Variants in DCC observed in about 807,000 individuals in gnomAD.
DCC encodes netrin receptor DCC.
In DCC, 58 loss-of-function variants were observed where a neutral mutation model predicts 172.5. That is an observed-to-expected ratio of 0.34 (90% confidence interval 0.27 to 0.42). DCC has a LOEUF of 0.42. Ranked by LOEUF, DCC falls within the 10% of genes least tolerant of loss-of-function variation. The pLI is 1.00. For synonymous variants in DCC, 709 were observed against 644.5 expected, an observed-to-expected ratio of 1.10 and a Z score of -1.52; for missense variants, 1,740 against 1,791.0, an observed-to-expected ratio of 0.97 and a Z score of 0.51.
chr18:52,724,153 T>C (rs927007068), intron 1 of DCC, among the ~76,000 whole-genome samples: 1 of 152,074 alleles, frequency 6.6e-6, no homozygotes, highest in African/African-American at 2.4e-5. Flanking sequence ...CTTCCTCTCA[T>C]ACCTTTTTTA....
chr18:52,917,635 A>G (rs1472022189), intron 3 of DCC, among the ~76,000 whole-genome samples: 5 of 152,182 alleles, frequency 3.3e-5, no homozygotes, highest in Non-Finnish European at 7.3e-5. Context: ...AGCAAAGGCA[A>G]CGTATTGCCA....
chr18:53,252,566 G>A (rs1236242618), intron 12 of DCC, among the ~76,000 whole-genome samples: 1 of 151,942 alleles, frequency 6.6e-6, no homozygotes, highest in Non-Finnish European at 1.5e-5. Flanking sequence ...CATTCCATGA[G>A]AAATAATGAA....
rs1286772078 is a variant in DCC, at chr18:52,943,033, T to C, written c.985+17663T>C. 2.0e-5 allele frequency among the ~76,000 whole-genome samples: 3 copies of C among 152,318 alleles called. No individual in the cohort carries two copies. In the East Asian group the frequency reaches 5.8e-4, roughly 29 times the overall value. On this transcript the variant is annotated intron_variant, in intron 5 of 28. Transcript: ENST00000442544. ...TGCCACAGAGTATGCATTCAAATTA[T>C]TGTGATTATTTCCTCTTTGTTATTT... is the stretch of plus-strand genomic sequence containing the variant.
intron 5 of DCC, among the ~76,000 whole-genome samples, chr18:52,948,559 G>C (rs1407193860): frequency 1.3e-5 from 2 of 152,122 alleles, no homozygotes; most frequent in Non-Finnish European, 2.9e-5. Flanking sequence ...AGAAGACTTA[G>C]ATTGAGAAAG....
At chr18:52,900,026 G>A (rs544822445) in intron 2 of DCC, among the ~76,000 whole-genome samples, 7 of 152,270 alleles carry the variant, frequency 4.6e-5, no homozygotes, top group South Asian at 4.1e-4. Flanking sequence ...TAGTCTGGAC[G>A]ATGGCTAGCA....
chr18:53,215,791 G>A (rs2055836940), intron 12 of DCC, among the ~76,000 whole-genome samples, 194 bp downstream of exon 12: 1 of 152,108 alleles, frequency 6.6e-6, no homozygotes, highest in East Asian at 1.9e-4. Flanking sequence ...TGAAATATTT[G>A]TCTACTTCTA....
intron 23 of DCC, among the ~76,000 whole-genome samples, chr18:53,451,872 T>G (rs1449277067): frequency 2.0e-5 from 3 of 152,136 alleles, no homozygotes; most frequent in Admixed American, 1.3e-4. Flanking sequence ...AAAAGTAACA[T>G]GGGGTGTAGA....
chr18:52,672,374 ATCTT>A (rs1392187318), intron 1 of DCC, among the ~76,000 whole-genome samples: 2 of 152,272 alleles, frequency 1.3e-5, no homozygotes, highest in East Asian at 3.9e-4. Flanking sequence ...AACTATCTGA[ATCTT>A]TCCACTAGTT....
chr18:52,749,329 T>C (rs1263458029), intron 1 of DCC, among the ~76,000 whole-genome samples: 1 of 152,230 alleles, frequency 6.6e-6, no homozygotes, highest in African/African-American at 2.4e-5. Context: ...TAGGCTTTTT[T>C]CGGCTTGAAG....
At chr18:53,454,885 T>C (rs1021083733) in intron 23 of DCC, among the ~76,000 whole-genome samples, 1 of 152,216 alleles carries the variant, frequency 6.6e-6, no homozygotes, top group Non-Finnish European at 1.5e-5. Flanking sequence ...GACTTCATTA[T>C]ATCTTAATTC....
intron 5 of DCC, among the ~76,000 whole-genome samples, chr18:52,973,993 T>C (rs964598180): frequency 6.6e-6 from 1 of 152,148 alleles, no homozygotes; most frequent in South Asian, 2.1e-4. Flanking sequence ...AAATAACAGA[T>C]GACCCTTTAT....
At chr18:52,532,434 G>A (rs142159185) in intron 1 of DCC, among the ~76,000 whole-genome samples, 1 of 152,230 alleles carries the variant, frequency 6.6e-6, no homozygotes, top group East Asian at 1.9e-4. Flanking sequence ...CAATTGTTCT[G>A]TGTAGTATGT....
intron 21 of DCC, among the ~76,000 whole-genome samples, chr18:53,426,939 C>T (rs1421575135): frequency 6.6e-6 from 1 of 152,110 alleles, no homozygotes; most frequent in African/African-American, 2.4e-5. Flanking sequence ...GATCTATAGT[C>T]ACTTGGAGGA....
At chr18:53,426,310 ATATT>A (rs1211010584) in intron 21 of DCC, among the ~76,000 whole-genome samples, 1 of 50,050 alleles carries the variant, frequency 2.0e-5, no homozygotes, top group African/African-American at 4.2e-5. Flanking sequence ...TTTATAATAT[ATATT>A]ATATATTTAT....
At position 53,530,654 on chromosome 18, in the gene DCC, C is replaced by A; in HGVS notation, c.*1C>A. On this transcript the variant is annotated 3_prime_UTR_variant, in exon 29 of 29. Transcript: ENST00000442544. ...TGCCATCACAGGCTCAGCCTTTTAA[C>A]ATGTATTTCTGAATGGATGAGGTGA... The A allele has an allele frequency of 6.5e-7, 1 of 1,544,972 alleles. No individual in the cohort carries two copies. Among genetic ancestry groups the A allele is most frequent in the Admixed American group, 1.7e-5 (1 of 59,898 alleles).
rs980318138 is a variant in DCC at position 52,760,556 on chromosome 18, C to T, written c.412+8182C>T. Among the ~76,000 whole-genome samples the T allele has an allele frequency of 5.9e-5, 9 of 152,134 alleles. No individual in the cohort carries two copies. The East Asian group carries it at 1.7e-3, about 29-fold the overall frequency. ...ACCACCACATTTTGGTGTAGCATGT[C>T]CTGCACCCCATCATTAAGTAGAATA... On this transcript the variant is annotated intron_variant, in intron 2 of 28. Coordinates refer to ENST00000442544, the MANE Select transcript of DCC (RefSeq NM_005215.4).
intron 5 of DCC, among the ~76,000 whole-genome samples, chr18:52,977,915 A>G (rs1295481818): frequency 1.1e-5 from 1 of 92,352 alleles, no homozygotes; most frequent in Non-Finnish European, 2.3e-5. Context: ...AAAGAAAAAG[A>G]AAAAAAAAGC....
In DCC at chr18:53,335,603, T is replaced by A. The variant is rs2057582765; in HGVS notation, c.2165-4110T>A. On this transcript the variant is annotated intron_variant, in intron 14 of 28. Transcript: ENST00000442544. ...ATACATGTTACAGAAAATAACATGT[T>A]CTTTAGAACCAAACTATACCAAGAG... Among the ~76,000 whole-genome samples, 4 of 152,144 alleles carry A rather than the reference T, an allele frequency of 2.6e-5. No individual in the cohort carries two copies. In the South Asian group the frequency reaches 8.3e-4, roughly 32 times the overall value.
At chr18:53,517,833 A>G (rs1700005552) in intron 27 of DCC, among the ~76,000 whole-genome samples, 1 of 152,146 alleles carries the variant, frequency 6.6e-6, no homozygotes, top group South Asian at 2.1e-4. Context: ...GGTAGACTAA[A>G]ATGCCTTAAG....
Sources: gnomAD v4.1 joint callset for allele counts (sites outside exome capture counted in the v4.1 genomes callset) on GRCh38, gnomAD v4.1.1 for gene constraint, MANE v1.5 for transcripts, NCBI Gene and HGNC (gene_info 2026-07-23, HGNC 2026-07-21) for gene names.